PDE10A: variants seen among roughly 807,000 people sequenced by gnomAD.
PDE10A encodes phosphodiesterase 10A.
Under a neutral mutation model 97.7 loss-of-function variants are expected in PDE10A, and 39 were observed. The ratio of observed to expected loss-of-function variants is 0.40; its 90% CI spans 0.31 to 0.52. The LOEUF (loss-of-function observed/expected upper bound fraction) is 0.52, where lower values mean the gene tolerates loss of function less well. PDE10A is among the 20% of genes least tolerant of loss of function. PDE10A has a pLI of 0.56. For synonymous variants in PDE10A, 371 were observed against 376.8 expected, an observed-to-expected ratio of 0.98 and a Z score of 0.18; for missense variants, 731 against 1,047.8, an observed-to-expected ratio of 0.70 and a Z score of 4.17.
intron 1 of PDE10A, among the ~76,000 whole-genome samples, chr6:165,843,804 C>T (rs34987904): frequency 0.063 from 9,600 of 152,258 alleles, 432 homozygotes; most frequent in African/African-American, 0.13. Flanking sequence ...GAGCCTATCC[C>T]GGAGGGGCAG....
At chr6:165,536,044 TC>T (rs1475306927) in intron 2 of PDE10A, among the ~76,000 whole-genome samples, 2 of 152,038 alleles carry the variant, frequency 1.3e-5, no homozygotes, top group Non-Finnish European at 2.9e-5. Flanking sequence ...GCTGGTGACA[TC>T]ACATTACCTG....
At chr6:165,334,411 A>G (rs866610375) in intron 21 of PDE10A, among the ~76,000 whole-genome samples, 4 of 148,342 alleles carry the variant, frequency 2.7e-5, no homozygotes, top group African/African-American at 5.0e-5. Flanking sequence ...AGCGCCCTAC[A>G]GCGCCGGGCA....
At chr6:165,919,172 G>A (rs149636719) in intron 1 of PDE10A, among the ~76,000 whole-genome samples, 70 of 152,250 alleles carry the variant, frequency 4.6e-4, no homozygotes, top group African/African-American at 1.6e-3. Context: ...GAATTCTTCC[G>A]AGATGGCAAG....
chr6:165,802,908 C>T (rs983816351), intron 1 of PDE10A, among the ~76,000 whole-genome samples: 1 of 152,170 alleles, frequency 6.6e-6, no homozygotes, highest in Non-Finnish European at 1.5e-5. Context: ...TTAGTGATCA[C>T]GTACCACATA....
chr6:165,730,630 C>T (rs1207950027), intron 1 of PDE10A, among the ~76,000 whole-genome samples: 2 of 151,704 alleles, frequency 1.3e-5, no homozygotes, highest in African/African-American at 4.8e-5. Context: ...GCGCATGCCT[C>T]TAATCCCAGC....
chr6:165,650,116 T>C lies in PDE10A; in HGVS notation c.865+11831A>G, dbSNP rs115636336. ...GAGGAAGACAGAAATCGATCAAATT[T>C]TAGGGGCTGACAAATGAAACCATGA... On this transcript the variant is annotated intron_variant, in intron 1 of 21. Transcript: ENST00000539869. Among the ~76,000 whole-genome samples, 1,358 of 152,162 alleles carry C rather than the reference T, an allele frequency of 8.9e-3. 18 individuals carry two copies. Among genetic ancestry groups the C allele is most frequent in the African/African-American group, 0.031 (1,274 of 41,520 alleles).
intron 1 of PDE10A, among the ~76,000 whole-genome samples, chr6:165,980,016 G>C (rs574266857): frequency 1.3e-5 from 2 of 152,314 alleles, no homozygotes; most frequent in African/African-American, 4.8e-5. Flanking sequence ...TGAGATGGAT[G>C]TAATGCAACA....
At chr6:165,490,848 G>A (rs372601012) in intron 2 of PDE10A, among the ~76,000 whole-genome samples, 19 of 152,090 alleles carry the variant, frequency 1.2e-4, no homozygotes, top group Admixed American at 2.6e-4. Flanking sequence ...TCAGCTACTC[G>A]AGAGGCTGAG....
rs1781548854 is a variant in PDE10A, at chr6:165,883,607, C to T, written c.-615+103922G>A. Among the ~76,000 whole-genome samples the T allele has an allele frequency of 2.6e-5, 4 of 151,830 alleles. No homozygotes were observed. The South Asian group carries it at 8.3e-4, about 32-fold the overall frequency. ...CACCAAAGAAGGGTGAGGGGATTTT[C>T]AGTTTCTGGAAACCTTATGTGCATT... On this transcript the variant is annotated intron_variant, in intron 1 of 19. Coordinates refer to the PDE10A transcript ENST00000366882.
intron 1 of PDE10A, among the ~76,000 whole-genome samples, chr6:165,978,904 G>T (rs1784924200): frequency 6.6e-6 from 1 of 152,114 alleles, no homozygotes; most frequent in Non-Finnish European, 1.5e-5. Context: ...CTTCAGCCAA[G>T]AATAATAATA....
At chr6:165,636,664 C>T (rs1443350373) in intron 1 of PDE10A, among the ~76,000 whole-genome samples, 1 of 152,184 alleles carries the variant, frequency 6.6e-6, no homozygotes, top group South Asian at 2.1e-4. Flanking sequence ...AGGACATTTG[C>T]CACGCAAGCT....
At chr6:165,386,635 A>G (rs1785318284) in intron 17 of PDE10A, among the ~76,000 whole-genome samples, 1 of 152,192 alleles carries the variant, frequency 6.6e-6, no homozygotes, top group Non-Finnish European at 1.5e-5. Context: ...CATTTACAAA[A>G]AAGCATGTTT....
At chr6:165,344,862 T>C (rs1354677419) in intron 18 of PDE10A, among the ~76,000 whole-genome samples, 2 of 152,224 alleles carry the variant, frequency 1.3e-5, no homozygotes, top group African/African-American at 4.8e-5. Context: ...GTTAGATTTA[T>C]GCATACCCTT....
At chr6:165,744,231 T>G (rs1792794453) in intron 1 of PDE10A, among the ~76,000 whole-genome samples, 1 of 152,222 alleles carries the variant, frequency 6.6e-6, no homozygotes, top group East Asian at 1.9e-4. Flanking sequence ...GTCTACTTTT[T>G]ATGGAGCCAA....
rs1340168643 is a variant in PDE10A at position 165,789,157 on chromosome 6, TACC to T, written c.-615+198369_-615+198371del. Among the ~76,000 whole-genome samples, 7 of 152,342 alleles carry T rather than the reference TACC, an allele frequency of 4.6e-5. No homozygotes were observed. The South Asian group carries it at 1.5e-3, about 32-fold the overall frequency. On this transcript the variant is annotated intron_variant, in intron 1 of 19. Transcript: ENST00000366882. ...AGTTCAGGGTTGAGGCAGTGCCAAG[TACC>T]ACATCACACACAAATGCTGGTGGAC... is the stretch of plus-strand genomic sequence containing the variant.
At chr6:165,628,278 A>T (rs1049728644) in intron 1 of PDE10A, among the ~76,000 whole-genome samples, 12 of 152,252 alleles carry the variant, frequency 7.9e-5, no homozygotes, top group Admixed American at 7.8e-4. Context: ...AGGCTTAAAT[A>T]AAATAATCCA....
intron 1 of PDE10A, among the ~76,000 whole-genome samples, chr6:165,880,376 C>T (rs1192326992): frequency 6.6e-6 from 1 of 152,154 alleles, no homozygotes; most frequent in Non-Finnish European, 1.5e-5. Context: ...TGGATCCAGA[C>T]TGATAGAGAA....
chr6:165,676,569 C>T (rs1427539192), intron 1 of PDE10A, among the ~76,000 whole-genome samples: 1 of 151,562 alleles, frequency 6.6e-6, no homozygotes, highest in Non-Finnish European at 1.5e-5. Flanking sequence ...GAAGGGGTTC[C>T]AGGAGGAGGG....
intron 1 of PDE10A, among the ~76,000 whole-genome samples, chr6:165,732,478 A>G (rs527661326): frequency 6.6e-6 from 1 of 152,316 alleles, no homozygotes; most frequent in East Asian, 1.9e-4. Context: ...TTGTGGCGGC[A>G]CACAGTCGCA....
Sources: allele counts gnomAD v4.1 joint callset (sites outside exome capture counted in the v4.1 genomes callset), GRCh38; gene constraint gnomAD v4.1.1; transcripts MANE v1.5; gene names NCBI Gene and HGNC (gene_info 2026-07-23, HGNC 2026-07-21).